SLC25A45: variants seen among roughly 807,000 people sequenced by gnomAD.
The protein encoded by SLC25A45 is solute carrier family 25 member 45, also known as methylated amino-acid transporter SLC25A45.
SLC25A45 carries 22 observed loss-of-function variants against 23.0 expected under a neutral mutation model. The observed-to-expected ratio is 0.95, with a 90% confidence interval of 0.68 to 1.36. SLC25A45 has a LOEUF of 1.36. SLC25A45 is among the 40% of genes most tolerant of loss of function. The pLI is 0.00. For missense variants in SLC25A45, 355 were observed against 383.5 expected (o/e 0.93, Z 0.62); for synonymous variants, 136 against 155.0 (o/e 0.88, Z 0.91).
At chr11:65,380,437 G>A in intron 2 of SLC25A45, 1 of 1,065,454 alleles carries the variant, frequency 9.4e-7, no homozygotes, top group Non-Finnish European at 1.3e-6. Context: ...AGAGGGAAGA[G>A]CCAGCCAAAG....
rs1313308982 is a variant in SLC25A45, at chr11:65,376,972, C to T, written c.444G>A (p.Val148=). Residue 148 remains valine (V), a synonymous_variant, in exon 6 of 7, where the codon GTG becomes GTA. Transcript: ENST00000398802. ...GSPPPRYQGP[V]HCAASIFREE... is the part of the protein sequence containing the mutation. ...CCCGGAAGATGGAGGCTGCACAGTG[C>T]ACGGGCCCCTGGTACCGGGGTGGGG... The T allele has an allele frequency of 6.2e-7, 1 of 1,613,204 alleles. No individual in the cohort carries two copies. The highest frequency in any genetic ancestry group is 1.3e-5 in the African/African-American group (1 of 75,044).
At position 65,376,568 on chromosome 11, in the gene SLC25A45, G is replaced by A. The variant is rs377667279; in HGVS notation, c.706C>T (p.Arg236Cys). 32 of 1,614,120 alleles carry A rather than the reference G, an allele frequency of 2.0e-5. No homozygotes were observed. The South Asian group carries it at 2.2e-4, about 11-fold the overall frequency. The change falls in exon 7 of 7, where the codon CGC becomes TGC. Residue 236 changes from arginine to cysteine, a missense_variant. Physicochemically the swap from Arg to Cys is radical, Grantham distance 180. Transcript: ENST00000398802. ...KSRMQMDGLRRRVYQGMLDCM... is the reference protein window; with the variant it reads ...KSRMQMDGLRCRVYQGMLDCM... Reference sequence around the variant, plus strand: ...TCCAGCATCCCCTGGTACACTCTGCGTCTCAGTCCATCCATCTGCATCCGG... The same window carrying A: ...TCCAGCATCCCCTGGTACACTCTGCATCTCAGTCCATCCATCTGCATCCGG...
chr11:65,382,068 G>C lies in SLC25A45; in HGVS notation c.-18-99C>G, dbSNP rs1855597842. 2.1e-6 allele frequency: 2 copies of C among 948,408 alleles called. No individual in the cohort carries two copies. The highest frequency in any genetic ancestry group is 4.9e-5 in the East Asian group (2 of 40,854). The allele number at this position is 948,408 out of a possible 1,614,324, so 58.7% of individuals were successfully genotyped here. On this transcript the variant is annotated intron_variant, in intron 1 of 6. Coordinates refer to ENST00000398802, the MANE Select transcript of SLC25A45 (RefSeq NM_182556.4). The surrounding 1 kb of genome is among the most constrained non-coding windows in gnomAD (Gnocchi z 4.4). Reference sequence around the variant, plus strand: ...ACTAATGTTTAACCCTGGCGGGAAGGTGAGAATTGGCCTGGTGCCCAGACC... The same window carrying C: ...ACTAATGTTTAACCCTGGCGGGAAGCTGAGAATTGGCCTGGTGCCCAGACC...
chr11:65,380,474 A>G (rs1590635611), intron 2 of SLC25A45: 4 of 1,296,100 alleles, frequency 3.1e-6, no homozygotes, highest in Non-Finnish European at 4.2e-6. Context: ...TGGAGCCCAT[A>G]CCCGGGTATC....
Position 65,379,577 on chromosome 11 carries a change from G to A in SLC25A45, c.154-16C>T. On this transcript the variant is annotated splice_polypyrimidine_tract_variant and intron_variant, in intron 4 of 6. Transcript: ENST00000398802. ...AGCCCAGGAGCTGCAGAGAGACACA[G>A]TGGCAGCGGAGTAGGCACCGTGGGG... 6.3e-7 allele frequency: 1 copy of A among 1,596,186 alleles called. No homozygotes were observed. The highest frequency in any genetic ancestry group is 2.2e-5 in the East Asian group (1 of 44,548).
chr11:65,376,795 T>C, intron 6 of SLC25A45, 23 bp downstream of exon 6: 1 of 1,614,190 alleles, frequency 6.2e-7, no homozygotes, highest in Non-Finnish European at 8.5e-7. Flanking sequence ...CTGTCCCCCA[T>C]CCTCTCACGC....
At chr11:65,382,785 G>A (rs992422788), upstream of SLC25A45, 1 of 152,372 alleles carries the variant, frequency 6.6e-6, no homozygotes, top group Admixed American at 6.5e-5. The surrounding 1 kb of genome is among the most constrained non-coding windows in gnomAD (Gnocchi z 4.4). Flanking sequence ...TCAGCCTTCT[G>A]TCTCCAGGCC....
At chr11:65,381,038 G>A (rs1223631754) in intron 2 of SLC25A45, 1 of 155,442 alleles carries the variant, frequency 6.4e-6, no homozygotes, top group Non-Finnish European at 1.4e-5. Flanking sequence ...GAAGGCAGAG[G>A]CAGCACCCTC....
Position 65,376,990 on chromosome 11 carries a change from G to C in SLC25A45, c.426C>G (p.Pro142=), listed in dbSNP as rs1406907145. The part of the protein sequence containing the change: ...EPRAQPGSPP[P]RYQGPVHCAA... ...CACAGTGCACGGGCCCCTGGTACCG[G>C]GGTGGGGGGCTCCCTGGCTGGGCCC... The change falls in exon 6 of 7, where the codon CCC becomes CCG. Residue 142 remains proline, a synonymous_variant. Coordinates refer to ENST00000398802, the MANE Select transcript of SLC25A45 (RefSeq NM_182556.4). The C allele has an allele frequency of 6.2e-7, 1 of 1,613,606 alleles. No homozygotes were observed.
At chr11:65,382,869 C>T (rs78184691), upstream of SLC25A45, 4,663 of 152,392 alleles carry the variant, frequency 0.031, 279 homozygotes, top group African/African-American at 0.11. This position sits in a 1 kb window ranked among gnomAD's most constrained non-coding sequence, Gnocchi z 4.4. Flanking sequence ...AATGTCACCA[C>T]CTGGGTGAGG....
Position 65,376,648 on chromosome 11 carries a change from C to T in SLC25A45, c.626G>A (p.Gly209Asp), listed in dbSNP as rs773868879. 9 of 1,613,996 alleles carry T rather than the reference C, an allele frequency of 5.6e-6. No homozygotes were observed. Among genetic ancestry groups the T allele is most frequent in the South Asian group, 3.3e-5 (3 of 91,078 alleles). Reference protein sequence around the residue: ...PSSATVLVAGGFAGIASWVAA... With the variant: ...PSSATVLVAGDFAGIASWVAA... Reference sequence around the variant, plus strand: ...CACCCAGGAAGCAATGCCTGCAAAGCCCCCTGCCACCAGCACCGTGGCTGA... The same window carrying T: ...CACCCAGGAAGCAATGCCTGCAAAGTCCCCTGCCACCAGCACCGTGGCTGA... Residue 209 changes from glycine (G) to aspartate (D), a missense_variant, in exon 7 of 7, where the codon GGC becomes GAC. Coordinates refer to ENST00000398802, the MANE Select transcript of SLC25A45 (RefSeq NM_182556.4).
chr11:65,380,449 C>T lies in SLC25A45; in HGVS notation c.38-274G>A, dbSNP rs747520370. 25 of 1,121,710 alleles carry T rather than the reference C, an allele frequency of 2.2e-5. No individual in the cohort carries two copies. The East Asian group carries it at 4.2e-4, about 19-fold the overall frequency. The allele number at this position is 1,121,710 out of a possible 1,614,324, so 69.5% of individuals were successfully genotyped here. On this transcript the variant is annotated intron_variant, in intron 2 of 6. Transcript: ENST00000398802. ...CCAAGAGGGAAGAGCCAGCCAAAGA[C>T]GTACGTGTCCTCGCTGGAGCCCATA...
In SLC25A45 at chr11:65,382,139, C is replaced by T. The variant is rs983528864; in HGVS notation, c.-18-170G>A. On this transcript the variant is annotated intron_variant, in intron 1 of 6. Coordinates refer to ENST00000398802, the MANE Select transcript of SLC25A45 (RefSeq NM_182556.4). This position sits in a 1 kb window ranked among gnomAD's most constrained non-coding sequence, Gnocchi z 4.4. ...AGCGAGCCAGTTCCGGTGACCCTGG[C>T]CACCTGGAGGAGTCGTGCAGAGTAC... 1 of 633,276 alleles carries T rather than the reference C, an allele frequency of 1.6e-6. No homozygotes were observed. Among genetic ancestry groups the T allele is most frequent in the South Asian group, 1.7e-5 (1 of 57,334 alleles). 39.2% of individuals were successfully genotyped at this position (633,276 alleles called of 1,614,324 possible).
chr11:65,382,211 G>T lies in SLC25A45; in HGVS notation c.-18-242C>A. The T allele has an allele frequency of 1.8e-6, 1 of 546,770 alleles. No individual in the cohort carries two copies. The highest frequency in any genetic ancestry group is 1.9e-5 in the African/African-American group (1 of 52,828). The allele number at this position is 546,770 out of a possible 1,614,324, so 33.9% of individuals were successfully genotyped here. ...CGGGACCACAGAGGCCCTGATCCCC[G>T]AGCCCGGCCAATGATCCTCGCTCTG... On this transcript the variant is annotated intron_variant, in intron 1 of 6. Transcript: ENST00000398802. The surrounding 1 kb of genome is among the most constrained non-coding windows in gnomAD (Gnocchi z 4.4).
In SLC25A45 at chr11:65,376,316, A is replaced by C. The variant is rs764943642; in HGVS notation, c.*91T>G. The C allele has an allele frequency of 7.5e-6, 11 of 1,472,804 alleles. No individual in the cohort carries two copies. Among genetic ancestry groups the C allele is most frequent in the Non-Finnish European group, 6.5e-6 (7 of 1,083,482 alleles). The allele number at this position is 1,472,804 out of a possible 1,614,324, so 91.2% of individuals were successfully genotyped here. A position where few individuals can be genotyped will look rare whatever the true frequency, so the allele number is the denominator to read the frequency against. On this transcript the variant is annotated 3_prime_UTR_variant, in exon 7 of 7. Transcript: ENST00000398802. ...GGTTAGGAAGGGCTGAGCCTCTTGC[A>C]CTGATTTGCAAGCTTTCAACCTGGC...
In SLC25A45 at chr11:65,376,196, A is replaced by T. The variant is rs571993793; in HGVS notation, c.*211T>A. 6.4e-6 allele frequency: 4 copies of T among 621,440 alleles called. No individual in the cohort carries two copies. The Admixed American group carries it at 1.2e-4, about 18-fold the overall frequency. The allele number at this position is 621,440 out of a possible 1,614,324, so 38.5% of individuals were successfully genotyped here. A position where few individuals can be genotyped will look rare whatever the true frequency, so the allele number is the denominator to read the frequency against. ...CACAGATGTGGGAGGCAAAGGAGTC[A>T]AGGCCAGCTACACAGGGAGGCTGCA... On this transcript the variant is annotated 3_prime_UTR_variant, in exon 7 of 7. Coordinates refer to ENST00000398802, the MANE Select transcript of SLC25A45 (RefSeq NM_182556.4).
At chr11:65,382,834 C>G (rs1278051993), upstream of SLC25A45, 3 of 152,326 alleles carry the variant, frequency 2.0e-5, no homozygotes, top group East Asian at 3.9e-4. This position sits in a 1 kb window ranked among gnomAD's most constrained non-coding sequence, Gnocchi z 4.4. Context: ...CACTCTTGCC[C>G]TGGCACCCCT....
intron 2 of SLC25A45, chr11:65,380,501 G>A (rs1007179746): frequency 1.6e-5 from 22 of 1,383,100 alleles, no homozygotes; most frequent in African/African-American, 5.8e-5. Flanking sequence ...CCTATGAGCC[G>A]CGGGACTCTG....
Position 65,379,384 on chromosome 11 carries a change from A to AC in SLC25A45, c.330dup (p.Phe111ValfsTer11). 4 of 1,608,618 alleles carry AC rather than the reference A, an allele frequency of 2.5e-6. No individual in the cohort carries two copies. Among genetic ancestry groups the AC allele is most frequent in the East Asian group, 2.2e-5 (1 of 44,842 alleles). On this transcript the variant is annotated frameshift_variant, in exon 5 of 7. Transcript: ENST00000398802. LOFTEE classifies it high-confidence loss of function. ...ACTCACTGCCCCCTCACCTGCAGGA[A>AC]CCCCCCGGTGCAGCCCGCTAGGAAG... is the stretch of plus-strand genomic sequence containing the variant.
Sources: gnomAD v4.1 joint callset for allele counts on GRCh38, gnomAD v4.1.1 for gene constraint, Gnocchi (gnomAD v3.1) non-coding constraint, MANE v1.5 for transcripts, NCBI Gene and HGNC (gene_info 2026-07-23, HGNC 2026-07-21) for gene names.